Variants in MYT1 observed in about 807,000 individuals in gnomAD.
MYT1 encodes the protein myelin transcription factor 1, also known as myelin transcription factor I.
MYT1 carries 23 observed loss-of-function variants against 123.0 expected under a neutral mutation model. The ratio of observed to expected loss-of-function variants is 0.19; its 90% CI spans 0.13 to 0.26. The LOEUF is 0.26. MYT1 is among the 10% of genes least tolerant of loss of function. The probability of loss-of-function intolerance (pLI) is 1.00; values close to 1 mark genes in which losing one functional copy is unlikely to be tolerated. For missense variants in MYT1, 1,125 were observed against 1,472.5 expected, an observed-to-expected ratio of 0.76 and a Z score of 3.86; for synonymous variants, 518 against 575.3, an observed-to-expected ratio of 0.90 and a Z score of 1.43.
At chr20:64,237,508 G>A (rs1984587398) in intron 21 of MYT1, 118 bp downstream of exon 21, 6 of 753,304 alleles carry the variant, frequency 8.0e-6, no homozygotes, top group Admixed American at 6.8e-5. Flanking sequence ...CTGAGCTGAC[G>A]GACAGCGCAG....
intron 1 of MYT1, among the ~76,000 whole-genome samples, chr20:64,173,367 C>A (rs1569304532): frequency 6.6e-6 from 1 of 152,130 alleles, no homozygotes; most frequent in Non-Finnish European, 1.5e-5. Flanking sequence ...GTGGGCTTCT[C>A]CCCAGCCTGT....
In MYT1 at chr20:64,231,095, C is replaced by A. The variant is rs1984308250; in HGVS notation, c.2676-1069C>A. 6.6e-6 allele frequency among the ~76,000 whole-genome samples: 1 copy of A among 151,694 alleles called. No individual in the cohort carries two copies. Among genetic ancestry groups the A allele is most frequent in the African/African-American group, 2.4e-5 (1 of 41,274 alleles). On this transcript the variant is annotated intron_variant, in intron 18 of 22. Coordinates refer to ENST00000328439, the MANE Select transcript of MYT1 (RefSeq NM_004535.3). The surrounding 1 kb of genome is among the most constrained non-coding windows in gnomAD (Gnocchi z 6.4). ...CGCTTCCTGCGCTGACAGTGACTTC[C>A]CTGTATGCCCATGAATCTCCTCGTA...
rs1982819628 is a variant in MYT1, at chr20:64,186,877, C to T, written c.-98-3186C>T. Among the ~76,000 whole-genome samples the T allele has an allele frequency of 1.4e-5, 2 of 145,350 alleles. No individual in the cohort carries two copies. The highest frequency in any genetic ancestry group is 1.4e-4 in the Admixed American group (2 of 14,272). ...GCACGTGGCTCCGGCATCCACGTTT[C>T]CGTGGAGACTTTTCCTGTAGCCCGT... On this transcript the variant is annotated intron_variant, in intron 1 of 22. Transcript: ENST00000328439. The surrounding 1 kb of genome is among the most constrained non-coding windows in gnomAD (Gnocchi z 4.3).
In MYT1 at chr20:64,197,824, G is replaced by A. The variant is rs116922178; in HGVS notation, c.1-1038G>A. 1.2e-4 allele frequency among the ~76,000 whole-genome samples: 19 copies of A among 152,308 alleles called. No homozygotes were observed. The East Asian group carries it at 3.1e-3, about 25-fold the overall frequency. On this transcript the variant is annotated intron_variant, in intron 2 of 22. Coordinates refer to ENST00000328439, the MANE Select transcript of MYT1 (RefSeq NM_004535.3). ...ACTCCCTCGCCGGACAATGCTGTGGGCAGTGTCCCCACAGAGGGTGGTCAG... is the reference window on the plus strand; with the variant it reads ...ACTCCCTCGCCGGACAATGCTGTGGACAGTGTCCCCACAGAGGGTGGTCAG...
chr20:64,201,949 T>C (rs867005242), intron 4 of MYT1, among the ~76,000 whole-genome samples: 1,154 of 29,968 alleles, frequency 0.039, 20 homozygotes, highest in African/African-American at 0.092. Context: ...CGGGAACCTC[T>C]GCGTGTCGGG....
At chr20:64,224,648 C>G (rs1365410867) in intron 16 of MYT1, among the ~76,000 whole-genome samples, 1 of 152,226 alleles carries the variant, frequency 6.6e-6, no homozygotes, top group Non-Finnish European at 1.5e-5. Flanking sequence ...TTGTCTAGTC[C>G]TAGAAACCCA....
chr20:64,229,533 C>T (rs998742991), intron 18 of MYT1, among the ~76,000 whole-genome samples: 2 of 152,202 alleles, frequency 1.3e-5, no homozygotes, highest in African/African-American at 4.8e-5. Flanking sequence ...GTCCTAGAGG[C>T]TCCATGGCAG....
rs1055815152 is a variant in MYT1 at position 64,202,211 on chromosome 20, T to C, written c.86+2289T>C. On this transcript the variant is annotated intron_variant, in intron 4 of 22. Transcript: ENST00000328439. This position sits in a 1 kb window ranked among gnomAD's most constrained non-coding sequence, Gnocchi z 5.0. ...GACAGTCCATTGGTTGTTTACCAGGTGAGCTGAGGAGAGGTTGGACTTGGA... is the reference window on the plus strand; with the variant it reads ...GACAGTCCATTGGTTGTTTACCAGGCGAGCTGAGGAGAGGTTGGACTTGGA... 1.2e-4 allele frequency among the ~76,000 whole-genome samples: 19 copies of C among 152,170 alleles called. No homozygotes were observed. The highest frequency in any genetic ancestry group is 4.6e-4 in the African/African-American group (19 of 41,434).
chr20:64,173,523 TCC>T (rs1233798368), intron 1 of MYT1, among the ~76,000 whole-genome samples: 2 of 126,122 alleles, frequency 1.6e-5, no homozygotes, highest in East Asian at 2.3e-4. Context: ...CCCTGACTTC[TCC>T]TCCTGCAGCA....
intron 22 of MYT1, 73 bp from the exon 23 acceptor site, chr20:64,240,247 G>T: frequency 1.3e-6 from 2 of 1,569,996 alleles, no homozygotes; most frequent in Non-Finnish European, 1.7e-6. Context: ...TAGGTTTGAT[G>T]CTCCCACATC....
Position 64,223,189 on chromosome 20 carries a change from G to A in MYT1, c.2459+16G>A, listed in dbSNP as rs200220181. 158 of 1,614,122 alleles carry A rather than the reference G, an allele frequency of 9.8e-5. 2 individuals carry two copies. The Middle Eastern group carries it at 1.5e-3, about 15-fold the overall frequency. ...CCCACCGCAGGTTTGTCTCCTGCTCGGGTCCGTCTGGCCTGGGTGCTTCGT... is the reference window on the plus strand; with the variant it reads ...CCCACCGCAGGTTTGTCTCCTGCTCAGGTCCGTCTGGCCTGGGTGCTTCGT... On this transcript the variant is annotated intron_variant, in intron 15 of 22. Transcript: ENST00000328439.
rs2145732020 is a variant in MYT1 at position 64,232,311 on chromosome 20, T to C, written c.2823T>C (p.Asn941=). 1 of 1,612,988 alleles carries C rather than the reference T, an allele frequency of 6.2e-7. No individual in the cohort carries two copies. The highest frequency in any genetic ancestry group is 8.5e-7 in the Non-Finnish European group (1 of 1,179,982). Reference sequence around the variant, plus strand: ...CATTCTCCTGGAAGTCCCTGAAGAATGAAGGACCGACCTGCCCCACCCCGG... The same window carrying C: ...CATTCTCCTGGAAGTCCCTGAAGAACGAAGGACCGACCTGCCCCACCCCGG... The part of the protein sequence containing the change: ...GSSFSWKSLK[N]EGPTCPTPGC... The change falls in exon 19 of 23, where the codon AAT becomes AAC. Residue 941 remains asparagine (N), a synonymous_variant. Coordinates refer to ENST00000328439, the MANE Select transcript of MYT1 (RefSeq NM_004535.3). The surrounding 1 kb of genome is among the most constrained non-coding windows in gnomAD (Gnocchi z 6.9).
intron 16 of MYT1, among the ~76,000 whole-genome samples, chr20:64,226,338 C>T (rs564702028): frequency 1.9e-4 from 29 of 152,360 alleles, no homozygotes; most frequent in African/African-American, 5.0e-4. Flanking sequence ...AGGCTGTGCC[C>T]GGCTTCATCT....
intron 1 of MYT1, among the ~76,000 whole-genome samples, chr20:64,176,591 G>C (rs1045822266): frequency 3.3e-5 from 5 of 152,238 alleles, no homozygotes; most frequent in African/African-American, 1.2e-4. Flanking sequence ...GAATGTGCTG[G>C]ACTGGGGTCA....
chr20:64,167,163 G>A lies in MYT1; in HGVS notation c.-99+2424G>A, dbSNP rs1412088603. ...TGGTGATGTCTGGGCCGCTTGGAAT[G>A]CCAGTTTGCACAACCCAGTACTGTG... On this transcript the variant is annotated intron_variant, in intron 1 of 22. Coordinates refer to ENST00000328439, the MANE Select transcript of MYT1 (RefSeq NM_004535.3). This position sits in a 1 kb window ranked among gnomAD's most constrained non-coding sequence, Gnocchi z 6.3. Among the ~76,000 whole-genome samples the A allele has an allele frequency of 6.6e-6, 1 of 152,206 alleles. No homozygotes were observed. The highest frequency in any genetic ancestry group is 1.5e-5 in the Non-Finnish European group (1 of 68,032).
intron 7 of MYT1, among the ~76,000 whole-genome samples, chr20:64,210,918 G>A (rs923013311): frequency 3.3e-5 from 5 of 152,374 alleles, no homozygotes; most frequent in South Asian, 2.1e-4. Flanking sequence ...TCAGAGGAGA[G>A]AGGAAAGAGG....
chr20:64,179,581 G>A (rs1982579205), intron 1 of MYT1, among the ~76,000 whole-genome samples: 1 of 152,172 alleles, frequency 6.6e-6, no homozygotes, highest in African/African-American at 2.4e-5. Context: ...TGGGCTGAAA[G>A]CCTTCTTTGG....
chr20:64,177,175 G>A (rs538987265), intron 1 of MYT1, among the ~76,000 whole-genome samples: 1 of 152,172 alleles, frequency 6.6e-6, no homozygotes, highest in Non-Finnish European at 1.5e-5. Context: ...GACATGGCTT[G>A]CATTTGGCTT....
At position 64,187,133 on chromosome 20, in the gene MYT1, C is replaced by T. The variant is rs201013564; in HGVS notation, c.-98-2930C>T. Among the ~76,000 whole-genome samples, 9 of 148,736 alleles carry T rather than the reference C, an allele frequency of 6.1e-5. No homozygotes were observed. The East Asian group carries it at 1.2e-3, about 21-fold the overall frequency. ...AGAGTTTTCCTGTGGCACGTGGCCCCGGCATCCACGTTTCCGTGGAGAGTT... is the reference window on the plus strand; with the variant it reads ...AGAGTTTTCCTGTGGCACGTGGCCCTGGCATCCACGTTTCCGTGGAGAGTT... On this transcript the variant is annotated intron_variant, in intron 1 of 22. Transcript: ENST00000328439.
Sources: gnomAD v4.1 joint callset for allele counts (sites outside exome capture counted in the v4.1 genomes callset) on GRCh38, gnomAD v4.1.1 for gene constraint, Gnocchi (gnomAD v3.1) non-coding constraint, MANE v1.5 for transcripts, NCBI Gene and HGNC (gene_info 2026-07-23, HGNC 2026-07-21) for gene names.